Variants in RP1 observed in about 807,000 individuals in gnomAD.
The protein encoded by RP1 is RP1 axonemal microtubule associated, also known as oxygen-regulated protein 1.
RP1 carries 16 observed loss-of-function variants against 14.8 expected under a neutral mutation model. That is an observed-to-expected ratio of 1.08 (90% CI 0.73 to 1.65). The LOEUF is 1.65. Ranked by LOEUF, RP1 falls within the 40% of genes most tolerant of loss-of-function variation. The pLI is 0.00. For synonymous variants in RP1, 876 were observed against 883.6 expected, an observed-to-expected ratio of 0.99 and a Z score of 0.15; for missense variants, 2,631 against 2,535.0, an observed-to-expected ratio of 1.04 and a Z score of -0.81.
At chr8:54,835,830 T>C (rs576899635) in intron 24 of RP1, among the ~76,000 whole-genome samples, 1 of 152,266 alleles carries the variant, frequency 6.6e-6, no homozygotes, top group African/African-American at 2.4e-5. Context: ...TTAGGGTGCA[T>C]TTTGGAGCTT....
chr8:54,797,384 A>C (rs1342378811), intron 24 of RP1, among the ~76,000 whole-genome samples: 1 of 152,182 alleles, frequency 6.6e-6, no homozygotes, highest in East Asian at 1.9e-4. Context: ...AGTTTTGGAA[A>C]TGTGAATTTG....
At chr8:54,767,570 G>T (rs562489988) in intron 22 of RP1, among the ~76,000 whole-genome samples, 1 of 152,070 alleles carries the variant, frequency 6.6e-6, no homozygotes, top group Non-Finnish European at 1.5e-5. Flanking sequence ...ATGTTGGCCA[G>T]GCTGGTCTTG....
chr8:54,855,795 T>C (rs1432450308), intron 26 of RP1, among the ~76,000 whole-genome samples: 1 of 152,174 alleles, frequency 6.6e-6, no homozygotes, highest in Non-Finnish European at 1.5e-5. Context: ...AGTGAAGTGT[T>C]ACTGTGCATG....
At chr8:54,848,823 A>G (rs1811990566) in intron 25 of RP1, among the ~76,000 whole-genome samples, 1 of 152,132 alleles carries the variant, frequency 6.6e-6, no homozygotes, top group Non-Finnish European at 1.5e-5. Context: ...ATCTCGGCTC[A>G]CTGCAACCTC....
chr8:54,598,109 T>C (rs920404957), intron 1 of RP1, among the ~76,000 whole-genome samples: 1 of 152,196 alleles, frequency 6.6e-6, no homozygotes, highest in Non-Finnish European at 1.5e-5. Context: ...TTAAATCATA[T>C]AGCATATGAG....
At chr8:54,653,037 G>C (rs1240961929) in intron 5 of RP1, among the ~76,000 whole-genome samples, 1 of 151,912 alleles carries the variant, frequency 6.6e-6, no homozygotes, top group Non-Finnish European at 1.5e-5. Context: ...ATTCTTAATT[G>C]ATTGAGGGAG....
chr8:54,765,060 C>G (rs548641202), intron 22 of RP1, among the ~76,000 whole-genome samples: 1 of 152,204 alleles, frequency 6.6e-6, no homozygotes, highest in African/African-American at 2.4e-5. Flanking sequence ...TGGCAGAGAG[C>G]GGCGTTTCTG....
chr8:54,663,178 C>T (rs1458593016), intron 6 of RP1, among the ~76,000 whole-genome samples: 1 of 152,174 alleles, frequency 6.6e-6, no homozygotes, highest in Non-Finnish European at 1.5e-5. Context: ...CTGTGCATCA[C>T]TTAGTAGCCA....
intron 3 of RP1, among the ~76,000 whole-genome samples, chr8:54,646,062 G>A (rs1806544876): frequency 6.6e-6 from 1 of 152,016 alleles, no homozygotes; most frequent in Admixed American, 6.6e-5. Context: ...AGTGGTATAT[G>A]TATATTACAA....
At chr8:54,676,945 T>C (rs1807307065) in intron 8 of RP1, among the ~76,000 whole-genome samples, 1 of 152,068 alleles carries the variant, frequency 6.6e-6, no homozygotes, top group Non-Finnish European at 1.5e-5. Flanking sequence ...ATTTTGGAGA[T>C]TTTTTTCCAG....
chr8:54,563,428 T>C (rs912884412), intron 1 of RP1, among the ~76,000 whole-genome samples: 10 of 152,352 alleles, frequency 6.6e-5, no homozygotes, highest in Admixed American at 6.5e-4. Context: ...TGTCCACATA[T>C]GTGATGTAGA....
intron 26 of RP1, among the ~76,000 whole-genome samples, chr8:54,853,627 T>C (rs1168957605): frequency 6.6e-6 from 1 of 151,738 alleles, no homozygotes; most frequent in Non-Finnish European, 1.5e-5. Context: ...AAATAAAAAA[T>C]TATAAAATAT....
chr8:54,631,911 G>A (rs372641489), downstream of RP1, among the ~76,000 whole-genome samples: 5 of 151,410 alleles, frequency 3.3e-5, no homozygotes, highest in African/African-American at 9.7e-5. Flanking sequence ...GTGCGATCTC[G>A]GCTCACCGCA....
chr8:54,869,738 A>C, intron 28 of RP1: 3 of 419,136 alleles, frequency 7.2e-6, no homozygotes, highest in Non-Finnish European at 8.1e-6. Flanking sequence ...GATCTCTCTA[A>C]AGGCCTCTTT....
intron 8 of RP1, chr8:54,678,358 A>T: frequency 1.1e-6 from 1 of 907,524 alleles, no homozygotes; most frequent in Non-Finnish European, 1.7e-6. Flanking sequence ...ATTGTACAAG[A>T]CCTTTACATA....
At chr8:54,851,057 G>T (rs1354341311) in intron 25 of RP1, among the ~76,000 whole-genome samples, 1 of 152,218 alleles carries the variant, frequency 6.6e-6, no homozygotes, top group Non-Finnish European at 1.5e-5. Flanking sequence ...GTACGTGTGT[G>T]TGTGTGTGTG....
At chr8:54,757,074 T>G (rs1809525805) in intron 21 of RP1, among the ~76,000 whole-genome samples, 1 of 152,228 alleles carries the variant, frequency 6.6e-6, no homozygotes, top group South Asian at 2.1e-4. Context: ...ATTTTAGATT[T>G]TACATTTTCT....
intron 12 of RP1, among the ~76,000 whole-genome samples, chr8:54,680,587 T>C (rs1200566348): frequency 6.6e-6 from 1 of 152,206 alleles, no homozygotes; most frequent in Non-Finnish European, 1.5e-5. Flanking sequence ...GCTACTAACC[T>C]ACCGCATGTC....
chr8:54,628,517 G>A lies in RP1; in HGVS notation c.4635G>A (p.Lys1545=), dbSNP rs1806147555. 1.9e-6 allele frequency: 3 copies of A among 1,613,950 alleles called. No individual in the cohort carries two copies. Among genetic ancestry groups the A allele is most frequent in the Non-Finnish European group, 2.5e-6 (3 of 1,179,924 alleles). ...CTTTAGATTTTTGCTATGATTCTAA[G>A]CAAAATAGTGAAAAGGAGACCAATG... ...PPSLDFCYDS[K]QNSEKETNEG... The change falls in exon 4 of 4, where the codon AAG becomes AAA. Residue 1545 remains lysine, a synonymous_variant. Transcript: ENST00000220676.
Sources: gnomAD v4.1 joint callset for allele counts (sites outside exome capture counted in the v4.1 genomes callset) on GRCh38, gnomAD v4.1.1 for gene constraint, MANE v1.5 for transcripts, NCBI Gene and HGNC (gene_info 2026-07-23, HGNC 2026-07-21) for gene names.